DLGAP2: variants seen among roughly 807,000 people sequenced by gnomAD.
DLGAP2 encodes the protein DLG associated protein 2.
Under a neutral mutation model 100.3 loss-of-function variants are expected in DLGAP2, and 26 were observed. The ratio of observed to expected loss-of-function variants is 0.26; its 90% CI spans 0.19 to 0.36. The LOEUF (loss-of-function observed/expected upper bound fraction) is 0.36, where lower values mean the gene tolerates loss of function less well. Among genes scored for constraint, DLGAP2 ranks in the 10% least tolerant of loss-of-function variants. The pLI, the probability that DLGAP2 is intolerant of heterozygous loss-of-function variation, is 1.00. For missense variants in DLGAP2, 1,858 were observed against 1,453.2 expected (o/e 1.28, Z -4.53); for synonymous variants, 886 against 630.1 (o/e 1.41, Z -6.08).
chr8:742,298 G>A (rs573847676), intron 1 of DLGAP2, among the ~76,000 whole-genome samples: 12 of 152,278 alleles, frequency 7.9e-5, no homozygotes, highest in African/African-American at 2.9e-4. Flanking sequence ...TAAACATTTG[G>A]AAATAGCCCA....
At chr8:1,636,650 C>T (rs1376767965) in intron 8 of DLGAP2, among the ~76,000 whole-genome samples, 1 of 152,120 alleles carries the variant, frequency 6.6e-6, no homozygotes, top group East Asian at 1.9e-4. Context: ...TTTATCTTGT[C>T]ACAAAGAGTG....
intron 6 of DLGAP2, chr8:1,604,869 T>C (rs1264872959): frequency 6.6e-6 from 1 of 152,120 alleles, no homozygotes; most frequent in Non-Finnish European, 1.5e-5. Flanking sequence ...ACAGGCAGAA[T>C]CATAGCTTCT....
intron 2 of DLGAP2, chr8:1,018,724 C>G (rs1038323985): frequency 2.0e-5 from 3 of 152,192 alleles, no homozygotes; most frequent in Non-Finnish European, 2.9e-5. Flanking sequence ...TCCTTATCAA[C>G]TGGAAATATT....
Position 1,260,298 on chromosome 8 carries a change from T to C in DLGAP2, c.106+1415T>C, listed in dbSNP as rs550340312. 1.8e-3 allele frequency among the ~76,000 whole-genome samples: 272 copies of C among 151,988 alleles called. 1 individual carries two copies. Among genetic ancestry groups the C allele is most frequent in the African/African-American group, 6.4e-3 (267 of 41,480 alleles). On this transcript the variant is annotated intron_variant, in intron 3 of 14. Coordinates refer to ENST00000637795, the MANE Select transcript of DLGAP2 (RefSeq NM_001346810.2). ...CTTTGAGTTCATTTTTCATTCTCTT[T>C]CCCCCAACCCCTCACCGAGAGTTTT...
chr8:1,457,081 C>G (rs971547833), intron 3 of DLGAP2, among the ~76,000 whole-genome samples: 20 of 152,314 alleles, frequency 1.3e-4, no homozygotes, highest in East Asian at 3.9e-4. Context: ...CTCCGTGCCC[C>G]TAGTGATTTG....
At chr8:832,975 C>G (rs189606722) in intron 1 of DLGAP2, among the ~76,000 whole-genome samples, 1 of 152,192 alleles carries the variant, frequency 6.6e-6, no homozygotes, top group African/African-American at 2.4e-5. Flanking sequence ...TGGTTTCTCA[C>G]ACAGCACACT....
intron 4 of DLGAP2, among the ~76,000 whole-genome samples, chr8:1,501,913 C>T (rs113156528): frequency 1.6e-4 from 24 of 152,324 alleles, no homozygotes; most frequent in African/African-American, 5.1e-4. Context: ...ACACTTTCCC[C>T]GATGCTGGTT....
intron 4 of DLGAP2, among the ~76,000 whole-genome samples, chr8:1,514,385 C>G (rs994914218): frequency 8.5e-5 from 13 of 152,234 alleles, no homozygotes; most frequent in Non-Finnish European, 1.9e-4. Flanking sequence ...TCACATAACA[C>G]AGAACCCCAG....
intron 1 of DLGAP2, among the ~76,000 whole-genome samples, chr8:746,196 C>A (rs1459128580): frequency 1.3e-5 from 2 of 152,244 alleles, no homozygotes; most frequent in African/African-American, 4.8e-5. Flanking sequence ...CTCCAGTGCT[C>A]CCAGCTCCCT....
chr8:1,203,011 A>G (rs1797912584), intron 2 of DLGAP2, among the ~76,000 whole-genome samples: 1 of 151,820 alleles, frequency 6.6e-6, no homozygotes, highest in South Asian at 2.1e-4. Flanking sequence ...CCTCGCCACC[A>G]CCCCATCCAT....
At position 1,678,396 on chromosome 8, in the gene DLGAP2, A is replaced by G; in HGVS notation, c.2471A>G (p.Gln824Arg). Residue 824 changes from glutamine to arginine, a missense_variant, in exon 12 of 15, where the codon CAG becomes CGG. Gln to Arg is a conservative substitution (Grantham distance 43). Coordinates refer to ENST00000637795, the MANE Select transcript of DLGAP2 (RefSeq NM_001346810.2). Reference sequence around the variant, plus strand: ...AGCGCGGTGAGAACTGTACGGACCCAGGGGCTCTTCAGCTATAGAGAAGAC... The same window carrying G: ...AGCGCGGTGAGAACTGTACGGACCCGGGGGCTCTTCAGCTATAGAGAAGAC... Reference protein sequence around the residue: ...QYSAVRTVRTQGLFSYREDYR... With the variant: ...QYSAVRTVRTRGLFSYREDYR... 6.2e-7 allele frequency: 1 copy of G among 1,613,870 alleles called. No individual in the cohort carries two copies.
At chr8:1,508,005 G>T (rs1023577828) in intron 4 of DLGAP2, among the ~76,000 whole-genome samples, 20 of 151,972 alleles carry the variant, frequency 1.3e-4, no homozygotes, top group African/African-American at 4.8e-4. Context: ...CAGGAAAGGG[G>T]CCCTGAGGTG....
chr8:1,272,663 G>A (rs1799606720), intron 3 of DLGAP2, among the ~76,000 whole-genome samples: 2 of 152,240 alleles, frequency 1.3e-5, no homozygotes, highest in South Asian at 4.2e-4. Flanking sequence ...TGGGAGATTC[G>A]TTTGACAACT....
intron 2 of DLGAP2, among the ~76,000 whole-genome samples, chr8:1,180,454 G>C (rs77003070): frequency 6.6e-6 from 1 of 152,186 alleles, no homozygotes; most frequent in Non-Finnish European, 1.5e-5. Context: ...CTTCAGGCCC[G>C]TGTGCCTGGG....
chr8:799,942 C>T (rs1389457892), intron 1 of DLGAP2, among the ~76,000 whole-genome samples: 4 of 152,226 alleles, frequency 2.6e-5, no homozygotes, highest in African/African-American at 9.6e-5. Flanking sequence ...TGAATTAATG[C>T]TGTAATTGCA....
At chr8:1,041,277 G>A (rs1406162173) in intron 2 of DLGAP2, among the ~76,000 whole-genome samples, 1 of 152,194 alleles carries the variant, frequency 6.6e-6, no homozygotes, top group African/African-American at 2.4e-5. Context: ...ATGGTAACCA[G>A]CGAGTTAGCT....
At chr8:1,223,162 C>T (rs955784199) in intron 2 of DLGAP2, among the ~76,000 whole-genome samples, 2 of 152,176 alleles carry the variant, frequency 1.3e-5, no homozygotes, top group African/African-American at 4.8e-5. Context: ...TAGTCCTCCC[C>T]TAGGAGTCAC....
At chr8:856,996 A>C (rs1797291292) in intron 1 of DLGAP2, among the ~76,000 whole-genome samples, 1 of 152,252 alleles carries the variant, frequency 6.6e-6, no homozygotes, top group South Asian at 2.1e-4. Context: ...TAATCAAGAC[A>C]GTGTGGCACT....
intron 1 of DLGAP2, among the ~76,000 whole-genome samples, chr8:882,783 G>A (rs973926146): frequency 6.6e-6 from 1 of 152,218 alleles, no homozygotes; most frequent in Non-Finnish European, 1.5e-5. Context: ...TCTCCTGCGG[G>A]CAGCCGTGCC....
Sources: allele counts gnomAD v4.1 joint callset (sites outside exome capture counted in the v4.1 genomes callset), GRCh38; gene constraint gnomAD v4.1.1; transcripts MANE v1.5; gene names NCBI Gene and HGNC (gene_info 2026-07-23, HGNC 2026-07-21).